The following MGAT4C variants were observed in gnomAD, a reference collection of about 807,000 sequenced individuals.
MGAT4C encodes alpha-1,3-mannosyl-glycoprotein 4-beta-N-acetylglucosaminyltransferase C.
In MGAT4C, 19 loss-of-function variants were observed where a neutral mutation model predicts 40.1. The ratio of observed to expected loss-of-function variants is 0.47; its 90% confidence interval spans 0.33 to 0.70. MGAT4C has a LOEUF of 0.70. MGAT4C is among the 30% of genes least tolerant of loss of function. The probability of loss-of-function intolerance (pLI) is 0.02; values close to 1 mark genes in which losing one functional copy is unlikely to be tolerated. For synonymous variants in MGAT4C, 181 were observed against 187.1 expected (o/e 0.97, Z 0.27); for missense variants, 491 against 563.2 (o/e 0.87, Z 1.30).
intron 2 of MGAT4C, among the ~76,000 whole-genome samples, chr12:86,448,449 C>T (rs1315015698): frequency 1.3e-5 from 2 of 152,166 alleles, no homozygotes; most frequent in African/African-American, 4.8e-5. Context: ...ATAGCCTTCT[C>T]CTTACCCTAT....
At chr12:86,735,541 G>C (rs1950972052) in intron 1 of MGAT4C, among the ~76,000 whole-genome samples, 1 of 151,842 alleles carries the variant, frequency 6.6e-6, no homozygotes, top group Non-Finnish European at 1.5e-5. Context: ...GTGATGGATA[G>C]ATTTCTATTT....
intron 2 of MGAT4C, chr12:86,011,898 A>G (rs2136821849): frequency 1.0e-6 from 1 of 981,118 alleles, no homozygotes; most frequent in South Asian, 4.7e-5. Flanking sequence ...GTCACATGCT[A>G]CTGCCTGAAA....
chr12:86,492,156 C>G (rs537167704), intron 2 of MGAT4C, among the ~76,000 whole-genome samples: 1 of 152,248 alleles, frequency 6.6e-6, no homozygotes, highest in East Asian at 1.9e-4. Flanking sequence ...ACTATACAAA[C>G]AAATGGAAGA....
chr12:86,549,084 A>G (rs1959230754), intron 2 of MGAT4C, among the ~76,000 whole-genome samples: 1 of 152,140 alleles, frequency 6.6e-6, no homozygotes, highest in Non-Finnish European at 1.5e-5. Context: ...AAAACCAGAT[A>G]AGGTATATAG....
At position 85,963,665 on chromosome 12, in the gene MGAT4C, A is replaced by G. The variant is rs915101263; in HGVS notation, c.*15624T>C. The G allele has an allele frequency of 1.3e-5, 2 of 152,038 alleles. No individual in the cohort carries two copies. The highest frequency in any genetic ancestry group is 4.8e-5 in the African/African-American group (2 of 41,432). 9.4% of individuals were successfully genotyped at this position (152,038 alleles called of 1,614,324 possible). On this transcript the variant is annotated 3_prime_UTR_variant, in exon 5 of 5. Coordinates refer to ENST00000611864, the MANE Select transcript of MGAT4C (RefSeq NM_001351288.2). The stretch of plus-strand genomic sequence containing the variant: ...ATAGCCATTGAAAAAATCTGAACAG[A>G]TATTATTGAGGCTCAAGGTTGTTTA...
intron 1 of MGAT4C, among the ~76,000 whole-genome samples, chr12:86,202,727 T>C (rs1950096011): frequency 6.6e-6 from 1 of 152,130 alleles, no homozygotes; most frequent in South Asian, 2.1e-4. Flanking sequence ...TATTGACCTG[T>C]CATTGATTTC....
At position 86,757,330 on chromosome 12, in the gene MGAT4C, C is replaced by T. The variant is rs147316975; in HGVS notation, c.-261-30089G>A. On this transcript the variant is annotated intron_variant, in intron 1 of 7. Transcript: ENST00000548651. ...TGTATACCTATGTAACAAAACTGCA[C>T]GTTCTGCATATGTACCCCAGAACTG... Among the ~76,000 whole-genome samples, 11 of 152,060 alleles carry T rather than the reference C, an allele frequency of 7.2e-5. No homozygotes were observed. The East Asian group carries it at 2.1e-3, about 29-fold the overall frequency.
chr12:86,055,317 C>T (rs969566952), intron 1 of MGAT4C, among the ~76,000 whole-genome samples: 5 of 151,820 alleles, frequency 3.3e-5, no homozygotes, highest in Admixed American at 6.6e-5. Flanking sequence ...GGGAGTTAAC[C>T]GTCTAGTTGA....
At chr12:86,028,355 C>T (rs1395717318) in intron 2 of MGAT4C, 1 of 353,518 alleles carries the variant, frequency 2.8e-6, no homozygotes, top group African/African-American at 2.1e-5. Flanking sequence ...GCAAGTGATG[C>T]TGTCACTATG....
chr12:86,480,312 A>G (rs570605923), intron 2 of MGAT4C, among the ~76,000 whole-genome samples: 6 of 151,796 alleles, frequency 4.0e-5, no homozygotes, highest in African/African-American at 1.4e-4. Flanking sequence ...TTTTAGGGCA[A>G]TTTGGTAATA....
intron 2 of MGAT4C, among the ~76,000 whole-genome samples, chr12:86,445,368 T>C (rs79849447): frequency 0.011 from 1,701 of 152,306 alleles, 19 homozygotes; most frequent in East Asian, 0.045. Flanking sequence ...ATCAAAAATA[T>C]TCATTCACCA....
chr12:86,221,125 A>C (rs1212164926), intron 1 of MGAT4C, among the ~76,000 whole-genome samples: 1 of 152,200 alleles, frequency 6.6e-6, no homozygotes, highest in Non-Finnish European at 1.5e-5. Context: ...GAACGGAATC[A>C]ACAGAGAAGC....
chr12:86,674,891 A>C (rs189521918), intron 2 of MGAT4C, among the ~76,000 whole-genome samples: 1 of 152,268 alleles, frequency 6.6e-6, no homozygotes, highest in African/African-American at 2.4e-5. Flanking sequence ...AATTCGTATC[A>C]GTTGAAGTAT....
chr12:86,169,148 T>C (rs1402470978), intron 1 of MGAT4C, among the ~76,000 whole-genome samples: 1 of 152,130 alleles, frequency 6.6e-6, no homozygotes, highest in Non-Finnish European at 1.5e-5. Flanking sequence ...AGAGAATGCA[T>C]CACTTTCTTC....
intron 1 of MGAT4C, among the ~76,000 whole-genome samples, chr12:86,184,396 CT>C (rs1441050744): frequency 3.3e-5 from 5 of 150,884 alleles, no homozygotes; most frequent in African/African-American, 4.9e-5. Context: ...AAAGCTTTTA[CT>C]TTTATTTACT....
rs61626246 is a variant in MGAT4C at position 86,191,632 on chromosome 12, AACACACAC to A, written c.-57+64599_-57+64606del. 5.8e-3 allele frequency among the ~76,000 whole-genome samples: 710 copies of A among 121,974 alleles called. 4 individuals carry two copies. The highest frequency in any genetic ancestry group is 9.2e-3 in the African/African-American group (317 of 34,272). 80.0% of individuals were successfully genotyped at this position (121,974 alleles called of 152,430 possible). On this transcript the variant is annotated intron_variant, in intron 1 of 4. Coordinates refer to ENST00000611864, the MANE Select transcript of MGAT4C (RefSeq NM_001351288.2). Reference sequence around the variant, plus strand: ...ATCTATCCTGAAAAACAAAAAACAAAACACACACACACACACACACACACACACACACA... The same window carrying A: ...ATCTATCCTGAAAAACAAAAAACAAAACACACACACACACACACACACACA...
intron 2 of MGAT4C, among the ~76,000 whole-genome samples, chr12:86,617,615 G>A (rs756810629): frequency 9.9e-5 from 15 of 151,958 alleles, no homozygotes; most frequent in Non-Finnish European, 1.6e-4. Context: ...ATGAACCCGG[G>A]AGGCGGAGCT....
At chr12:86,656,734 CA>C (rs936933207) in intron 2 of MGAT4C, among the ~76,000 whole-genome samples, 1 of 151,960 alleles carries the variant, frequency 6.6e-6, no homozygotes, top group Non-Finnish European at 1.5e-5. Flanking sequence ...TAATAGAACA[CA>C]AACATCTTTT....
intron 2 of MGAT4C, among the ~76,000 whole-genome samples, chr12:86,526,030 A>G (rs1368136797): frequency 6.6e-6 from 1 of 152,212 alleles, no homozygotes; most frequent in Non-Finnish European, 1.5e-5. Context: ...TATTCAAAAC[A>G]GTGGTGGATA....
Sources: allele counts gnomAD v4.1 joint callset (sites outside exome capture counted in the v4.1 genomes callset), GRCh38; gene constraint gnomAD v4.1.1; transcripts MANE v1.5; gene names NCBI Gene and HGNC (gene_info 2026-07-23, HGNC 2026-07-21).